NTRK2: variants seen among roughly 807,000 people sequenced by gnomAD.
NTRK2 encodes the protein neurotrophic receptor tyrosine kinase 2.
Under a neutral mutation model 94.5 loss-of-function variants are expected in NTRK2, and 13 were observed. The observed-to-expected ratio is 0.14, with a 90% CI of 0.09 to 0.22. The LOEUF (loss-of-function observed/expected upper bound fraction) is 0.22. NTRK2 is among the 10% of genes least tolerant of loss of function. The pLI is 1.00. For synonymous variants in NTRK2, 372 were observed against 407.4 expected, an observed-to-expected ratio of 0.91 and a Z score of 1.05; for missense variants, 639 against 1,071.2, an observed-to-expected ratio of 0.60 and a Z score of 5.63.
At chr9:84,924,239 G>A (rs1207781320) in intron 14 of NTRK2, among the ~76,000 whole-genome samples, 4 of 113,894 alleles carry the variant, frequency 3.5e-5, no homozygotes, top group Non-Finnish European at 7.3e-5. Context: ...TAGAAAGAAA[G>A]AAAGAAAGAA....
Position 85,024,834 on chromosome 9 carries a change from A to G in NTRK2, c.*3397A>G, listed in dbSNP as rs1832954933. On this transcript the variant is annotated 3_prime_UTR_variant, in exon 19 of 19. Coordinates refer to ENST00000277120, the MANE Select transcript of NTRK2 (RefSeq NM_006180.6). ...TTTAGAAAACACTTTGAACTATGCT[A>G]TAAAAGATTATATCAGAATTCATAT... 1 of 232,914 alleles carries G rather than the reference A, an allele frequency of 4.3e-6. No individual in the cohort carries two copies. The highest frequency in any genetic ancestry group is 2.2e-5 in the African/African-American group (1 of 45,348). 14.4% of individuals were successfully genotyped at this position (232,914 alleles called of 1,614,324 possible).
chr9:84,998,184 G>A (rs1829967990), intron 17 of NTRK2, among the ~76,000 whole-genome samples: 2 of 152,300 alleles, frequency 1.3e-5, no homozygotes, highest in Middle Eastern at 6.8e-3. Context: ...AGGCTTTCCT[G>A]AGAACCCAGT....
intron 6 of NTRK2, among the ~76,000 whole-genome samples, chr9:84,723,111 A>C (rs889892319): frequency 5.3e-5 from 8 of 152,232 alleles, no homozygotes; most frequent in African/African-American, 1.9e-4. Context: ...TAAAGCAAAA[A>C]ACAGATTTTT....
At position 85,024,528 on chromosome 9, in the gene NTRK2, A is replaced by G. The variant is rs1832937721; in HGVS notation, c.*3091A>G. 1 of 232,758 alleles carries G rather than the reference A, an allele frequency of 4.3e-6. No individual in the cohort carries two copies. The highest frequency in any genetic ancestry group is 8.5e-6 in the Non-Finnish European group (1 of 117,792). The allele number at this position is 232,758 out of a possible 1,614,324, so 14.4% of individuals were successfully genotyped here. A position where few individuals can be genotyped will look rare whatever the true frequency, so the allele number is the denominator to read the frequency against. On this transcript the variant is annotated 3_prime_UTR_variant, in exon 19 of 19. Coordinates refer to ENST00000277120, the MANE Select transcript of NTRK2 (RefSeq NM_006180.6). ...ACTCAGAGACATTCAGAGGCACGCT[A>G]GAGGTCTCCAGCCTAGCTTCCAGCA...
At chr9:85,020,129 CAG>C in intron 17 of NTRK2, 75 bp from the exon 18 acceptor site, 1 of 1,485,586 alleles carries the variant, frequency 6.7e-7, no homozygotes, top group Non-Finnish European at 9.4e-7. Context: ...GGAAAGCAAA[CAG>C]TGTCCCCCAG....
At chr9:84,765,890 G>A (rs940522231) in intron 12 of NTRK2, among the ~76,000 whole-genome samples, 15 of 152,114 alleles carry the variant, frequency 9.9e-5, no homozygotes, top group Non-Finnish European at 2.1e-4. Flanking sequence ...TGTTTAGGAT[G>A]AGACTAAATT....
rs1832833550 is a variant in NTRK2 at position 85,022,536 on chromosome 9, A to G, written c.*1099A>G. 4.3e-6 allele frequency: 1 copy of G among 233,118 alleles called. No individual in the cohort carries two copies. The highest frequency in any genetic ancestry group is 2.2e-5 in the African/African-American group (1 of 45,334). The allele number at this position is 233,118 out of a possible 1,614,324, so 14.4% of individuals were successfully genotyped here. ...TAAGACAAGCTATAAATTCGGAGGC[A>G]AGTTTCTTTTACAATGAACTTTTCA... On this transcript the variant is annotated 3_prime_UTR_variant, in exon 19 of 19. Coordinates refer to ENST00000277120, the MANE Select transcript of NTRK2 (RefSeq NM_006180.6).
At chr9:84,801,741 A>T (rs2070484514) in intron 12 of NTRK2, among the ~76,000 whole-genome samples, 1 of 152,240 alleles carries the variant, frequency 6.6e-6, no homozygotes, top group Non-Finnish European at 1.5e-5. Context: ...TGGGTTTATT[A>T]GGACATAATC....
intron 2 of NTRK2, among the ~76,000 whole-genome samples, chr9:84,686,349 C>A (rs1032942655): frequency 2.0e-5 from 3 of 152,216 alleles, no homozygotes; most frequent in Non-Finnish European, 2.9e-5. Flanking sequence ...GCAGAGCACA[C>A]AAGCTCAGCA....
chr9:84,810,424 G>A, intron 12 of NTRK2: 1 of 950,138 alleles, frequency 1.1e-6, no homozygotes, highest in Non-Finnish European at 1.6e-6. Context: ...ATTCCATGTT[G>A]TGTCTCATTT....
chr9:84,975,520 C>A (rs1826731232), intron 17 of NTRK2, among the ~76,000 whole-genome samples: 1 of 152,162 alleles, frequency 6.6e-6, no homozygotes, highest in African/African-American at 2.4e-5. Flanking sequence ...TTTGTCATCA[C>A]AAGTCAAGTT....
At chr9:85,001,169 G>T (rs780702865) in intron 17 of NTRK2, among the ~76,000 whole-genome samples, 1 of 152,120 alleles carries the variant, frequency 6.6e-6, no homozygotes, top group Admixed American at 6.5e-5. Flanking sequence ...CCCTCTTCTG[G>T]TGCTAGTTCT....
At chr9:84,728,217 C>T (rs753544248) in intron 9 of NTRK2, among the ~76,000 whole-genome samples, 12 of 152,100 alleles carry the variant, frequency 7.9e-5, no homozygotes, top group South Asian at 2.1e-4. Context: ...ACAACTGCAA[C>T]GATGTGAGGC....
At chr9:84,955,667 G>A (rs940524962) in intron 17 of NTRK2, 150 bp downstream of exon 17, 1 of 755,230 alleles carries the variant, frequency 1.3e-6, no homozygotes. Flanking sequence ...GAGGCTGGAA[G>A]TCCAAGCTCA....
At chr9:84,934,340 T>A (rs772825914) in intron 15 of NTRK2, 48 bp downstream of exon 15, 1 of 1,606,500 alleles carries the variant, frequency 6.2e-7, no homozygotes, top group Non-Finnish European at 8.5e-7. Flanking sequence ...CACACTTACG[T>A]GTGGAAATTT....
intron 12 of NTRK2, among the ~76,000 whole-genome samples, chr9:84,768,041 G>C (rs2066198773): frequency 6.6e-6 from 1 of 152,102 alleles, no homozygotes; most frequent in South Asian, 2.1e-4. Context: ...CTATAGTCTT[G>C]GATAATCCCA....
chr9:84,674,205 T>A (rs2058884261), intron 2 of NTRK2, among the ~76,000 whole-genome samples: 1 of 152,230 alleles, frequency 6.6e-6, no homozygotes, highest in South Asian at 2.1e-4. Flanking sequence ...AGGGCATGCA[T>A]TTTTATGTTG....
At chr9:84,704,450 T>C (rs1327232579) in intron 4 of NTRK2, among the ~76,000 whole-genome samples, 3 of 151,820 alleles carry the variant, frequency 2.0e-5, no homozygotes, top group Non-Finnish European at 4.4e-5. Context: ...ATGGTCTCGA[T>C]CTCCTGACCT....
intron 12 of NTRK2, among the ~76,000 whole-genome samples, chr9:84,821,507 C>CT (rs1281103039): frequency 6.6e-6 from 1 of 152,118 alleles, no homozygotes; most frequent in Non-Finnish European, 1.5e-5. Context: ...ATTTTTTGCT[C>CT]TTTGTTTTTA....
Sources: allele counts gnomAD v4.1 joint callset (sites outside exome capture counted in the v4.1 genomes callset), GRCh38; gene constraint gnomAD v4.1.1; transcripts MANE v1.5; gene names NCBI Gene and HGNC (gene_info 2026-07-23, HGNC 2026-07-21).